CREB5: variants seen among roughly 807,000 people sequenced by gnomAD.
CREB5 encodes cyclic AMP-responsive element-binding protein 5.
CREB5 carries 19 observed loss-of-function variants against 57.1 expected under a neutral mutation model. The ratio of observed to expected loss-of-function variants is 0.33; its 90% CI spans 0.23 to 0.49. The LOEUF (loss-of-function observed/expected upper bound fraction) is 0.49. Among genes scored for constraint, CREB5 ranks in the 20% least tolerant of loss-of-function variants. CREB5 has a pLI of 0.99. For missense variants in CREB5, 579 were observed against 671.6 expected (o/e 0.86, Z 1.52); for synonymous variants, 238 against 238.3 (o/e 1.00, Z 0.01).
intron 7 of CREB5, among the ~76,000 whole-genome samples, chr7:28,782,157 A>G (rs1429986924): frequency 6.6e-6 from 1 of 152,176 alleles, no homozygotes; most frequent in Non-Finnish European, 1.5e-5. Context: ...TACTTACCAT[A>G]CATCACATCT....
intron 7 of CREB5, among the ~76,000 whole-genome samples, chr7:28,729,382 C>T (rs1277249399): frequency 1.3e-5 from 2 of 152,184 alleles, no homozygotes; most frequent in Non-Finnish European, 2.9e-5. Context: ...TGGTTTCCTC[C>T]GCACAGCCTG....
chr7:28,533,102 A>T (rs2128622980), intron 4 of CREB5, among the ~76,000 whole-genome samples: 1 of 152,266 alleles, frequency 6.6e-6, no homozygotes, highest in East Asian at 1.9e-4. Flanking sequence ...TGAAAATACA[A>T]AAATTAGCCG....
chr7:28,451,514 T>C (rs879855038), intron 1 of CREB5, among the ~76,000 whole-genome samples: 5 of 151,206 alleles, frequency 3.3e-5, no homozygotes, highest in African/African-American at 4.9e-5. Flanking sequence ...CTATATGTAC[T>C]TTTTTTTTCC....
At chr7:28,587,378 T>C (rs973428733) in intron 5 of CREB5, among the ~76,000 whole-genome samples, 5 of 152,170 alleles carry the variant, frequency 3.3e-5, no homozygotes, top group African/African-American at 1.2e-4. Context: ...AGTGGGATTT[T>C]TCTGGGTACA....
chr7:28,646,869 A>C (rs1798908945), intron 5 of CREB5, among the ~76,000 whole-genome samples: 1 of 152,018 alleles, frequency 6.6e-6, no homozygotes, highest in Non-Finnish European at 1.5e-5. Context: ...TTAAGTAGCT[A>C]CCAGTACAAC....
Position 28,488,156 on chromosome 7 carries a change from T to C in CREB5, c.4-19T>C. 6.2e-7 allele frequency: 1 copy of C among 1,611,990 alleles called. No homozygotes were observed. The highest frequency in any genetic ancestry group is 8.5e-7 in the Non-Finnish European group (1 of 1,178,434). Reference sequence around the variant, plus strand: ...CATGGATTTCTTTTTCCTTCCTCCCTTTCCCTCTGATCCTTCAGATTTATG... The same window carrying C: ...CATGGATTTCTTTTTCCTTCCTCCCCTTCCCTCTGATCCTTCAGATTTATG... On this transcript the variant is annotated intron_variant, in intron 1 of 10. Coordinates refer to ENST00000357727, the MANE Select transcript of CREB5 (RefSeq NM_182898.4).
chr7:28,324,825 C>G (rs1785554836), intron 1 of CREB5, among the ~76,000 whole-genome samples: 1 of 152,180 alleles, frequency 6.6e-6, no homozygotes, highest in Non-Finnish European at 1.5e-5. Flanking sequence ...ACGGTTGATA[C>G]TTTCTTTCCC....
intron 5 of CREB5, among the ~76,000 whole-genome samples, chr7:28,709,314 A>G (rs75610763): frequency 2.0e-5 from 3 of 152,140 alleles, no homozygotes; most frequent in Non-Finnish European, 2.9e-5. Context: ...GGAAAAAAAA[A>G]TCAGATTTTG....
At chr7:28,581,920 A>T (rs903367888) in intron 5 of CREB5, among the ~76,000 whole-genome samples, 1 of 152,160 alleles carries the variant, frequency 6.6e-6, no homozygotes, top group African/African-American at 2.4e-5. Flanking sequence ...TGGGGTGAGA[A>T]AGAAGAACCT....
At chr7:28,340,496 G>T (rs1160191478) in intron 1 of CREB5, among the ~76,000 whole-genome samples, 1 of 151,644 alleles carries the variant, frequency 6.6e-6, no homozygotes, top group Non-Finnish European at 1.5e-5. Context: ...CCATGGTTAG[G>T]CTGGTCTCTA....
intron 5 of CREB5, among the ~76,000 whole-genome samples, chr7:28,701,768 A>G (rs1036385014): frequency 1.3e-5 from 2 of 152,256 alleles, no homozygotes; most frequent in African/African-American, 2.4e-5. Flanking sequence ...GTAAAAAAAT[A>G]TAATTGATTT....
At chr7:28,379,550 A>C (rs1215608806) in intron 1 of CREB5, among the ~76,000 whole-genome samples, 1 of 152,252 alleles carries the variant, frequency 6.6e-6, no homozygotes, top group African/African-American at 2.4e-5. Flanking sequence ...GGAGAAAGCC[A>C]AGGCTCTGCT....
chr7:28,482,068 T>C (rs78911117), intron 1 of CREB5, among the ~76,000 whole-genome samples: 4,421 of 152,340 alleles, frequency 0.029, 160 homozygotes, highest in African/African-American at 0.086. Context: ...CCAATAGTTA[T>C]GTTTTCACAT....
At chr7:28,515,905 T>TAA (rs201357772) in intron 4 of CREB5, among the ~76,000 whole-genome samples, 18,812 of 147,450 alleles carry the variant, frequency 0.13, 1,505 homozygotes, top group South Asian at 0.2. Context: ...ATGTTTAAAG[T>TAA]AAAAATATAT....
chr7:28,314,638 A>G (rs1020888249), intron 1 of CREB5, among the ~76,000 whole-genome samples: 5 of 152,172 alleles, frequency 3.3e-5, no homozygotes, highest in African/African-American at 1.2e-4. Flanking sequence ...ATCATAGTTC[A>G]TATACTTTGG....
At chr7:28,711,426 G>A (rs971123413) in intron 5 of CREB5, among the ~76,000 whole-genome samples, 3 of 152,174 alleles carry the variant, frequency 2.0e-5, no homozygotes, top group Admixed American at 1.3e-4. Flanking sequence ...CTACTTCTTT[G>A]TGTCATTTGT....
chr7:28,582,481 C>T (rs1305604042), intron 5 of CREB5, among the ~76,000 whole-genome samples: 1 of 152,126 alleles, frequency 6.6e-6, no homozygotes, highest in Non-Finnish European at 1.5e-5. Flanking sequence ...TCTTTTTAGT[C>T]TTATGATAGG....
At chr7:28,677,175 A>G (rs1447020187) in intron 5 of CREB5, among the ~76,000 whole-genome samples, 1 of 152,194 alleles carries the variant, frequency 6.6e-6, no homozygotes, top group African/African-American at 2.4e-5. Context: ...GTATTTATAT[A>G]TTTTTTTCAT....
intron 1 of CREB5, among the ~76,000 whole-genome samples, chr7:28,390,814 A>G (rs1277295541): frequency 6.6e-6 from 1 of 152,150 alleles, no homozygotes; most frequent in Admixed American, 6.6e-5. Flanking sequence ...AAAAATTTCA[A>G]ACAGTTCTTA....
Sources: allele counts gnomAD v4.1 joint callset (sites outside exome capture counted in the v4.1 genomes callset), GRCh38; gene constraint gnomAD v4.1.1; transcripts MANE v1.5; gene names NCBI Gene and HGNC (gene_info 2026-07-23, HGNC 2026-07-21).